Variants in CLVS1 observed in about 807,000 individuals in gnomAD.
CLVS1 encodes the protein clavesin-1.
In CLVS1, 10 loss-of-function variants were observed where a neutral mutation model predicts 33.1. The ratio of observed to expected loss-of-function variants is 0.30; its 90% CI spans 0.19 to 0.51. The LOEUF is 0.51. Ranked by LOEUF, CLVS1 falls within the 20% of genes least tolerant of loss-of-function variation. CLVS1 has a pLI of 0.97. For synonymous variants in CLVS1, 163 were observed against 166.1 expected, an observed-to-expected ratio of 0.98 and a Z score of 0.14; for missense variants, 343 against 433.4, an observed-to-expected ratio of 0.79 and a Z score of 1.85.
intron 2 of CLVS1, among the ~76,000 whole-genome samples, chr8:61,336,504 A>T (rs1343795547): frequency 6.6e-6 from 1 of 152,094 alleles, no homozygotes; most frequent in Admixed American, 6.6e-5. Context: ...TCTGCCCGGC[A>T]CCCTGGGTGG....
intron 1 of CLVS1, among the ~76,000 whole-genome samples, chr8:61,120,910 G>A (rs1367738004): frequency 6.7e-6 from 1 of 148,188 alleles, no homozygotes. Flanking sequence ...CCCATTTCCA[G>A]CTTCCTGGCT....
chr8:61,408,925 G>A (rs1815105289), intron 3 of CLVS1, among the ~76,000 whole-genome samples: 2 of 152,146 alleles, frequency 1.3e-5, no homozygotes, highest in Admixed American at 1.3e-4. Context: ...TCTCCATATT[G>A]TTGACAGAAC....
intron 3 of CLVS1, among the ~76,000 whole-genome samples, chr8:61,440,259 T>C (rs1816490613): frequency 6.6e-6 from 1 of 152,246 alleles, no homozygotes; most frequent in African/African-American, 2.4e-5. Context: ...CTCTATAATG[T>C]TATCAAGAGC....
At chr8:61,441,707 A>G (rs188735850) in intron 3 of CLVS1, among the ~76,000 whole-genome samples, 12 of 152,278 alleles carry the variant, frequency 7.9e-5, no homozygotes, top group African/African-American at 2.6e-4. Context: ...GAGAGAGGGA[A>G]TACTTTTGCC....
intron 5 of CLVS1, among the ~76,000 whole-genome samples, chr8:61,474,399 A>G (rs1017007147): frequency 2.0e-5 from 3 of 152,198 alleles, no homozygotes; most frequent in Admixed American, 2.0e-4. Flanking sequence ...AGAAGTAGGT[A>G]GGATGTGAGC....
intron 2 of CLVS1, among the ~76,000 whole-genome samples, chr8:61,163,515 G>A (rs1806791535): frequency 6.6e-6 from 1 of 152,188 alleles, no homozygotes; most frequent in African/African-American, 2.4e-5. Flanking sequence ...TGCCTTATGT[G>A]TATTTGTTAC....
At chr8:61,298,434 C>T (rs921681628) in intron 1 of CLVS1, among the ~76,000 whole-genome samples, 3 of 151,956 alleles carry the variant, frequency 2.0e-5, no homozygotes, top group African/African-American at 7.3e-5. Flanking sequence ...AAAATGAATA[C>T]CAGTTACTTT....
At chr8:61,232,920 A>C (rs1158519902) in intron 2 of CLVS1, among the ~76,000 whole-genome samples, 2 of 152,186 alleles carry the variant, frequency 1.3e-5, no homozygotes, top group Non-Finnish European at 2.9e-5. Context: ...AATTTTCTTC[A>C]CTTTTCATCT....
At chr8:61,470,640 T>C (rs1338736610) in intron 5 of CLVS1, among the ~76,000 whole-genome samples, 1 of 152,200 alleles carries the variant, frequency 6.6e-6, no homozygotes, top group Non-Finnish European at 1.5e-5. Context: ...GTGCCTAACA[T>C]CTAGCCAGCA....
chr8:61,425,158 TG>T (rs1414785588), intron 3 of CLVS1, among the ~76,000 whole-genome samples: 5 of 152,236 alleles, frequency 3.3e-5, no homozygotes, highest in African/African-American at 1.2e-4. Context: ...AAAGACCAGA[TG>T]AACCTGTAGC....
intron 2 of CLVS1, among the ~76,000 whole-genome samples, chr8:61,258,564 C>T (rs984405787): frequency 1.3e-5 from 2 of 152,128 alleles, no homozygotes; most frequent in Non-Finnish European, 2.9e-5. Context: ...GTTAGTTGCA[C>T]CAGCAGAATC....
rs148453129 is a variant in CLVS1 at position 61,458,422 on chromosome 8, C to T, written c.857C>T (p.Thr286Met). 87 of 1,613,882 alleles carry T rather than the reference C, an allele frequency of 5.4e-5. No homozygotes were observed. The highest frequency in any genetic ancestry group is 2.4e-4 in the African/African-American group (18 of 74,892). Residue 286 changes from threonine to methionine, a missense_variant, in exon 5 of 6, where the codon ACG (threonine) becomes ATG (methionine). Physicochemically the swap from Thr to Met is moderately conservative, Grantham distance 81. Coordinates refer to ENST00000325897, the MANE Select transcript of CLVS1 (RefSeq NM_173519.3). ...TATGACATGGGAACTTGGGCCCGGA[C>T]GTTACTCGGTCCCGACTACAGCGAT... ...PPYDMGTWAR[T>M]LLGPDYSDEN...
intron 3 of CLVS1, among the ~76,000 whole-genome samples, chr8:61,410,667 A>C (rs1176825884): frequency 6.6e-6 from 1 of 152,052 alleles, no homozygotes; most frequent in Non-Finnish European, 1.5e-5. Context: ...TTTGAGACAG[A>C]ATCTTGCTCT....
rs999539485 is a variant in CLVS1, at chr8:61,354,597, A to T, written c.456-22008A>T. Among the ~76,000 whole-genome samples the T allele has an allele frequency of 4.5e-4, 69 of 152,154 alleles. 1 individual carries two copies. Among genetic ancestry groups the T allele is most frequent in the African/African-American group, 1.5e-3 (62 of 41,456 alleles). On this transcript the variant is annotated intron_variant, in intron 2 of 5. Coordinates refer to ENST00000325897, the MANE Select transcript of CLVS1 (RefSeq NM_173519.3). Reference sequence around the variant, plus strand: ...TCAGCACAGATGTCTAGCAACAGGTAAAATGGCTAAAAAAACTGGTACATC... The same window carrying T: ...TCAGCACAGATGTCTAGCAACAGGTTAAATGGCTAAAAAAACTGGTACATC...
At position 61,498,180 on chromosome 8, in the gene CLVS1, C is replaced by T. The variant is rs530863526; in HGVS notation, c.978-1275C>T. Reference sequence around the variant, plus strand: ...GGTTCAAGCACCTCTGACACTCTTACTGCCTTAAAAGGGTCAAACTGATAC... The same window carrying T: ...GGTTCAAGCACCTCTGACACTCTTATTGCCTTAAAAGGGTCAAACTGATAC... On this transcript the variant is annotated intron_variant, in intron 5 of 5. Coordinates refer to ENST00000325897, the MANE Select transcript of CLVS1 (RefSeq NM_173519.3). Among the ~76,000 whole-genome samples the T allele has an allele frequency of 2.0e-5, 3 of 152,302 alleles. No homozygotes were observed. In the South Asian group the frequency reaches 6.2e-4, roughly 32 times the overall value.
At chr8:61,187,604 T>A (rs1287786432) in intron 2 of CLVS1, among the ~76,000 whole-genome samples, 2 of 151,142 alleles carry the variant, frequency 1.3e-5, no homozygotes, top group East Asian at 3.9e-4. Context: ...AGGCCAGGAT[T>A]TTGAACCCTG....
At chr8:61,480,056 C>T (rs141457565) in intron 5 of CLVS1, among the ~76,000 whole-genome samples, 1,980 of 152,304 alleles carry the variant, frequency 0.013, 23 homozygotes, top group Middle Eastern at 0.034. Context: ...AGGCAGTCTG[C>T]CCGTTCTCAG....
intron 3 of CLVS1, among the ~76,000 whole-genome samples, chr8:61,440,189 A>G (rs1048115407): frequency 6.6e-6 from 1 of 152,214 alleles, no homozygotes. Flanking sequence ...ATTTTACTCA[A>G]AGCAAGAGCT....
At chr8:61,237,093 TAAGACA>T (rs1184619442) in intron 2 of CLVS1, among the ~76,000 whole-genome samples, 2 of 152,164 alleles carry the variant, frequency 1.3e-5, no homozygotes, top group Non-Finnish European at 2.9e-5. Flanking sequence ...GGATGATCAG[TAAGACA>T]AAGGGGGATT....
Sources: allele counts gnomAD v4.1 joint callset (sites outside exome capture counted in the v4.1 genomes callset), GRCh38; gene constraint gnomAD v4.1.1; transcripts MANE v1.5; gene names NCBI Gene and HGNC (gene_info 2026-07-23, HGNC 2026-07-21).